PHLDB3: variants seen among roughly 807,000 people sequenced by gnomAD.
PHLDB3 encodes pleckstrin homology-like domain family B member 3.
A neutral mutation model predicts 85.7 loss-of-function variants in PHLDB3; 86 were observed. The observed-to-expected ratio is 1.00, with a 90% confidence interval of 0.84 to 1.20. The LOEUF (loss-of-function observed/expected upper bound fraction) is 1.20, where lower values mean the gene tolerates loss of function less well. Ranked by LOEUF, PHLDB3 falls within the 50% of genes most tolerant of loss-of-function variation. PHLDB3 has a pLI of 0.00. For synonymous variants in PHLDB3, 376 were observed against 349.8 expected (o/e 1.07, Z -0.83); for missense variants, 995 against 873.0 (o/e 1.14, Z -1.76).
At chr19:43,475,630 T>C in intron 15 of PHLDB3, 86 bp from the exon 16 acceptor site, 1 of 1,532,584 alleles carries the variant, frequency 6.5e-7, no homozygotes, top group Non-Finnish European at 8.9e-7. Flanking sequence ...ACTTATAGTC[T>C]GTGTGGCACT....
chr19:43,485,125 T>C (rs1266218922), intron 13 of PHLDB3, among the ~76,000 whole-genome samples: 1 of 151,936 alleles, frequency 6.6e-6, no homozygotes, highest in Non-Finnish European at 1.5e-5. Flanking sequence ...ATATTGAAAA[T>C]GATTAAAGCT....
In PHLDB3 at chr19:43,497,142, G is replaced by T; in HGVS notation, c.801C>A (p.Leu267=). The T allele has an allele frequency of 6.5e-7, 1 of 1,544,778 alleles. No homozygotes were observed. The highest frequency in any genetic ancestry group is 2.5e-5 in the East Asian group (1 of 40,746). The part of the protein sequence containing the change: ...PQVPDPKVQE[L]QASMAQHRRG... ...CTCTGTGCTGCGCCATGCTGGCCTGGAGTTCCTGGACCTTGGGGTCTGGCA... is the reference window on the plus strand; with the variant it reads ...CTCTGTGCTGCGCCATGCTGGCCTGTAGTTCCTGGACCTTGGGGTCTGGCA... The change falls in exon 6 of 16, where the codon CTC becomes CTA. Residue 267 remains leucine (L), a synonymous_variant. Transcript: ENST00000292140.
intron 1 of PHLDB3, 124 bp from the exon 2 acceptor site, chr19:43,504,256 G>T: frequency 2.3e-6 from 2 of 875,018 alleles, no homozygotes; most frequent in Non-Finnish European, 1.7e-6. Flanking sequence ...TTCAAAGGAT[G>T]GAACTGAGCG....
chr19:43,495,438 G>A, intron 7 of PHLDB3, 57 bp downstream of exon 7: 1 of 1,601,408 alleles, frequency 6.2e-7, no homozygotes, highest in East Asian at 2.3e-5. Flanking sequence ...GGGAGGTGGT[G>A]GGATGCCCCA....
chr19:43,490,493 C>T (rs1971288911), intron 9 of PHLDB3, among the ~76,000 whole-genome samples: 1 of 152,006 alleles, frequency 6.6e-6, no homozygotes. Flanking sequence ...GTAGAGGCTG[C>T]AGTGAGCCAA....
At chr19:43,486,533 T>G in intron 12 of PHLDB3, 76 bp downstream of exon 12, 5 of 1,499,178 alleles carry the variant, frequency 3.3e-6, no homozygotes, top group East Asian at 4.8e-5. Context: ...GGAGGTGGAG[T>G]TGGGGGTCTC....
At position 43,486,881 on chromosome 19, in the gene PHLDB3, G is replaced by A; in HGVS notation, c.1250-11C>T. On this transcript the variant is annotated splice_polypyrimidine_tract_variant and intron_variant, in intron 10 of 15. Coordinates refer to ENST00000292140, the MANE Select transcript of PHLDB3 (RefSeq NM_198850.4). ...AGGCCTCCAGGGATTCTAGGGTAGA[G>A]GGGACCAGGTTACAGGGCTGGATAC... 2 of 1,540,526 alleles carry A rather than the reference G, an allele frequency of 1.3e-6. No individual in the cohort carries two copies. The highest frequency in any genetic ancestry group is 2.0e-5 in the Admixed American group (1 of 50,502).
intron 9 of PHLDB3, among the ~76,000 whole-genome samples, chr19:43,489,091 C>T (rs909373616): frequency 2.6e-5 from 4 of 152,002 alleles, no homozygotes; most frequent in African/African-American, 9.7e-5. Context: ...TGAGCCACCG[C>T]ACCCAAGTGA....
rs1971164457 is a variant in PHLDB3 at position 43,486,591 on chromosome 19, G to A, written c.1428+18C>T. 6.2e-7 allele frequency: 1 copy of A among 1,608,990 alleles called. No homozygotes were observed. Among genetic ancestry groups the A allele is most frequent in the Non-Finnish European group, 8.5e-7 (1 of 1,178,302 alleles). The stretch of plus-strand genomic sequence containing the variant: ...TGGGGCAGTCTTCTGTTCCGAAGAG[G>A]ATGGCCTGGGCTCTCACCCGGGCCT... On this transcript the variant is annotated intron_variant, in intron 12 of 15. Coordinates refer to ENST00000292140, the MANE Select transcript of PHLDB3 (RefSeq NM_198850.4).
chr19:43,491,246 G>T (rs56296628), intron 9 of PHLDB3, among the ~76,000 whole-genome samples: 3,785 of 152,264 alleles, frequency 0.025, 145 homozygotes, highest in African/African-American at 0.086. Flanking sequence ...CAGCCAGAAA[G>T]TTAATTTCCC....
At chr19:43,488,790 C>T (rs923942503) in intron 9 of PHLDB3, among the ~76,000 whole-genome samples, 10 of 151,816 alleles carry the variant, frequency 6.6e-5, no homozygotes, top group Admixed American at 1.3e-4. Context: ...ATGGCTTATG[C>T]ACTCCATAGA....
chr19:43,504,233 C>T (rs1190555127), intron 1 of PHLDB3, 101 bp from the exon 2 acceptor site: 2 of 1,099,660 alleles, frequency 1.8e-6, no homozygotes, highest in Non-Finnish European at 1.3e-6. Context: ...CCCAAGGAGG[C>T]GGGGCCTAAG....
In PHLDB3 at chr19:43,475,617, G is replaced by T; in HGVS notation, c.1789-73C>A. On this transcript the variant is annotated intron_variant, in intron 15 of 15. Coordinates refer to ENST00000292140, the MANE Select transcript of PHLDB3 (RefSeq NM_198850.4). ...ACAGTCTGGGTGCGAACCCAGCCTT[G>T]CTACTTATAGTCTGTGTGGCACTGG... is the stretch of plus-strand genomic sequence containing the variant. 4 of 1,582,238 alleles carry T rather than the reference G, an allele frequency of 2.5e-6. No individual in the cohort carries two copies. In the South Asian group the frequency reaches 3.4e-5, roughly 13 times the overall value.
At chr19:43,480,264 TAAAAAAAAAAAAA>T (rs57417757) in intron 13 of PHLDB3, among the ~76,000 whole-genome samples, 30 of 71,612 alleles carry the variant, frequency 4.2e-4, no homozygotes, top group South Asian at 3.5e-3. Flanking sequence ...CTTCTCTATT[TAAAAAAAAAAAAA>T]AAAAAAAAAA....
rs112100992 is a variant in PHLDB3, at chr19:43,500,444, G to A, written c.534+1290C>T. 5.1e-3 allele frequency among the ~76,000 whole-genome samples: 780 copies of A among 152,174 alleles called. 2 individuals carry two copies. Among genetic ancestry groups the A allele is most frequent in the Non-Finnish European group, 8.8e-3 (599 of 68,024 alleles). ...TGCTCTGCCTATAGGACAGAAGACT[G>A]GATTTTTCCAATAAACAGTATGGGG... On this transcript the variant is annotated intron_variant, in intron 4 of 15. Transcript: ENST00000292140.
Position 43,479,603 on chromosome 19 carries a change from A to C in PHLDB3, c.1486-10T>G, listed in dbSNP as rs1365963352. ...GTGGGGTGGGTGGGGCCTGGGGAGCAAAGAGACGGGGCAGCTGATGTAAGG... is the reference window on the plus strand; with the variant it reads ...GTGGGGTGGGTGGGGCCTGGGGAGCCAAGAGACGGGGCAGCTGATGTAAGG... On this transcript the variant is annotated splice_polypyrimidine_tract_variant and intron_variant, in intron 13 of 15. Transcript: ENST00000292140. The C allele has an allele frequency of 2.7e-6, 4 of 1,506,172 alleles. No individual in the cohort carries two copies. In the African/African-American group the frequency reaches 5.6e-5, roughly 21 times the overall value. The allele number at this position is 1,506,172 out of a possible 1,614,324, so 93.3% of individuals were successfully genotyped here.
At chr19:43,497,336 A>G in intron 5 of PHLDB3, 57 bp from the exon 6 acceptor site, 1 of 1,300,654 alleles carries the variant, frequency 7.7e-7, no homozygotes, top group East Asian at 2.9e-5. Flanking sequence ...CCCAGGGAGT[A>G]GTGGGCTGGG....
chr19:43,495,228 G>A (rs756318887), intron 8 of PHLDB3, 28 bp downstream of exon 8: 1 of 1,600,130 alleles, frequency 6.2e-7, no homozygotes, highest in African/African-American at 1.3e-5. Context: ...AGGGAGGAGG[G>A]ACTGAGAGGC....
chr19:43,475,193 C>G lies in PHLDB3; in HGVS notation c.*217G>C, dbSNP rs540890031. The G allele has an allele frequency of 5.3e-6, 3 of 567,792 alleles. No homozygotes were observed. The highest frequency in any genetic ancestry group is 9.2e-6 in the Non-Finnish European group (3 of 327,046). The allele number at this position is 567,792 out of a possible 1,614,324, so 35.2% of individuals were successfully genotyped here. A position where few individuals can be genotyped will look rare whatever the true frequency, so the allele number is the denominator to read the frequency against. ...CCTGCAATCTTCCTCCTGCCCCGGG[C>G]AGGGCCTTAGGGGCCGGCGATCCCG... On this transcript the variant is annotated 3_prime_UTR_variant, in exon 16 of 16. Transcript: ENST00000292140.
Sources: allele counts gnomAD v4.1 joint callset (sites outside exome capture counted in the v4.1 genomes callset), GRCh38; gene constraint gnomAD v4.1.1; transcripts MANE v1.5; gene names NCBI Gene and HGNC (gene_info 2026-07-23, HGNC 2026-07-21).